The following SOBP variants were observed in gnomAD, a reference collection of about 807,000 sequenced individuals.
The protein encoded by SOBP is sine oculis binding protein homolog, also known as sine oculis-binding protein homolog.
In SOBP, 4 loss-of-function variants were observed where a neutral mutation model predicts 53.6. That is an observed-to-expected ratio of 0.07 (90% CI 0.04 to 0.17). The LOEUF (loss-of-function observed/expected upper bound fraction) is 0.17, where lower values mean the gene tolerates loss of function less well. Among genes scored for constraint, SOBP ranks in the 10% least tolerant of loss-of-function variants. SOBP has a pLI of 1.00. For synonymous variants in SOBP, 584 were observed against 522.6 expected (o/e 1.12, Z -1.60); for missense variants, 1,088 against 1,204.7 (o/e 0.90, Z 1.43).
rs190091201 is a variant in SOBP at position 107,660,403 on chromosome 6, C to G, written c.*2200C>G. On this transcript the variant is annotated 3_prime_UTR_variant, in exon 7 of 7. Transcript: ENST00000317357. ...CTAACCATGCCCATCACTGACAGCA[C>G]ACAGTGCATGGGAAGTGAGTGTTTA... Among the ~76,000 whole-genome samples, 387 of 152,322 alleles carry G rather than the reference C, an allele frequency of 2.5e-3. 2 individuals carry two copies. Among genetic ancestry groups the G allele is most frequent in the African/African-American group, 8.9e-3 (372 of 41,578 alleles).
At chr6:107,508,518 G>A (rs541647967) in intron 3 of SOBP, among the ~76,000 whole-genome samples, 1 of 152,236 alleles carries the variant, frequency 6.6e-6, no homozygotes, top group African/African-American at 2.4e-5. Flanking sequence ...GGCGGAGGCT[G>A]CAGTGAGCTG....
At chr6:107,587,563 T>C (rs186823628) in intron 5 of SOBP, among the ~76,000 whole-genome samples, 3 of 152,274 alleles carry the variant, frequency 2.0e-5, no homozygotes, top group African/African-American at 7.2e-5. Context: ...GACAACATGG[T>C]AATATTTTGT....
chr6:107,548,779 A>G (rs1245087953), intron 4 of SOBP, among the ~76,000 whole-genome samples: 2 of 151,646 alleles, frequency 1.3e-5, no homozygotes, highest in African/African-American at 4.9e-5. Context: ...TCTACAAAAT[A>G]TAAAAAAAAT....
chr6:107,508,349 C>T (rs1284214676), intron 3 of SOBP, among the ~76,000 whole-genome samples: 2 of 152,092 alleles, frequency 1.3e-5, no homozygotes, highest in Non-Finnish European at 2.9e-5. Flanking sequence ...GAGGCCAAGG[C>T]GGGTGGATCA....
chr6:107,533,295 A>AAT (rs1783893002), intron 3 of SOBP, among the ~76,000 whole-genome samples, 164 bp from the exon 4 acceptor site: 4 of 146,308 alleles, frequency 2.7e-5, no homozygotes, highest in Admixed American at 2.0e-4. Context: ...AAAAAAAAAA[A>AAT]AGAGAGAGAG....
At chr6:107,594,904 A>C (rs1785889726) in intron 5 of SOBP, among the ~76,000 whole-genome samples, 1 of 152,234 alleles carries the variant, frequency 6.6e-6, no homozygotes, top group African/African-American at 2.4e-5. Context: ...AGCTTGACCC[A>C]CATCTCTGAC....
chr6:107,594,153 A>ATC (rs1439892070), intron 5 of SOBP, among the ~76,000 whole-genome samples: 1 of 152,196 alleles, frequency 6.6e-6, no homozygotes, highest in African/African-American at 2.4e-5. Flanking sequence ...AAATCACTGA[A>ATC]TCTCTGTGTG....
At chr6:107,539,016 G>C (rs891050832) in intron 4 of SOBP, among the ~76,000 whole-genome samples, 2 of 152,144 alleles carry the variant, frequency 1.3e-5, no homozygotes, top group Admixed American at 6.5e-5. Flanking sequence ...CTGCAGACAG[G>C]GTGGGACATA....
chr6:107,581,759 A>C (rs1785408563), intron 4 of SOBP, among the ~76,000 whole-genome samples: 1 of 152,144 alleles, frequency 6.6e-6, no homozygotes, highest in Admixed American at 6.5e-5. Flanking sequence ...TCGAAAATAA[A>C]CTCTATTATT....
chr6:107,605,240 A>G (rs1036556733), intron 5 of SOBP, among the ~76,000 whole-genome samples: 58 of 152,322 alleles, frequency 3.8e-4, no homozygotes, highest in African/African-American at 1.4e-3. Flanking sequence ...GGAATAGAGC[A>G]AGTCAAAGGA....
chr6:107,639,828 T>G (rs1771229753), intron 6 of SOBP, among the ~76,000 whole-genome samples: 1 of 152,220 alleles, frequency 6.6e-6, no homozygotes. Flanking sequence ...ACATAGACTC[T>G]TTAAGTAAAA....
intron 4 of SOBP, among the ~76,000 whole-genome samples, chr6:107,539,963 G>A (rs1023603640): frequency 6.6e-6 from 1 of 152,204 alleles, no homozygotes; most frequent in Non-Finnish European, 1.5e-5. Flanking sequence ...ACAGAGGAGG[G>A]AGAAGGTTCT....
chr6:107,599,719 G>A (rs1228110508), intron 5 of SOBP, among the ~76,000 whole-genome samples: 1 of 151,776 alleles, frequency 6.6e-6, no homozygotes, highest in Non-Finnish European at 1.5e-5. Flanking sequence ...TTTTGGAAGT[G>A]AACACAACCA....
chr6:107,542,106 C>T (rs1784165226), intron 4 of SOBP, among the ~76,000 whole-genome samples: 1 of 151,892 alleles, frequency 6.6e-6, no homozygotes, highest in African/African-American at 2.4e-5. Flanking sequence ...TATATACAGG[C>T]TTAAACATAT....
In SOBP at chr6:107,490,497, A is replaced by T; in HGVS notation, c.-120A>T. 1 of 731,680 alleles carries T rather than the reference A, an allele frequency of 1.4e-6. No homozygotes were observed. Among genetic ancestry groups the T allele is most frequent in the Non-Finnish European group, 2.4e-6 (1 of 420,176 alleles). 45.3% of individuals were successfully genotyped at this position (731,680 alleles called of 1,614,324 possible). On this transcript the variant is annotated 5_prime_UTR_variant, in exon 1 of 7. Coordinates refer to ENST00000317357, the MANE Select transcript of SOBP (RefSeq NM_018013.4). ...CGCGGCTCGGTCCGGCCCCGCCAGC[A>T]CCGCTACCTCCGCCAGCCTCGCCAC...
In SOBP at chr6:107,574,114, T is replaced by C. The variant is rs148061472; in HGVS notation, c.574-12966T>C. On this transcript the variant is annotated intron_variant, in intron 4 of 6. Transcript: ENST00000317357. Reference sequence around the variant, plus strand: ...TTCTTTGGGGCCGCAATGACACATATAGTGCATCCTACAGTTTATGGAACC... The same window carrying C: ...TTCTTTGGGGCCGCAATGACACATACAGTGCATCCTACAGTTTATGGAACC... 1.6e-4 allele frequency among the ~76,000 whole-genome samples: 25 copies of C among 152,318 alleles called. 1 individual carries two copies. The Middle Eastern group carries it at 0.01, about 62-fold the overall frequency.
chr6:107,621,209 G>A lies in SOBP; in HGVS notation c.670-12305G>A, dbSNP rs185257083. On this transcript the variant is annotated intron_variant, in intron 5 of 6. Transcript: ENST00000317357. ...ATATATGAATACCTATCTGTGTCCC[G>A]GGTTGTCTTGGTTCACACCATTTAA... 1,230 of 607,548 alleles carry A rather than the reference G, an allele frequency of 2.0e-3. 3 individuals carry two copies. The highest frequency in any genetic ancestry group is 2.5e-3 in the South Asian group (34 of 13,552). The allele number at this position is 607,548 out of a possible 1,614,324, so 37.6% of individuals were successfully genotyped here. A position where few individuals can be genotyped will look rare whatever the true frequency, so the allele number is the denominator to read the frequency against.
At chr6:107,649,406 G>A (rs1408025314) in intron 6 of SOBP, among the ~76,000 whole-genome samples, 3 of 151,884 alleles carry the variant, frequency 2.0e-5, no homozygotes, top group Non-Finnish European at 2.9e-5. Context: ...GAGCCCAAGA[G>A]GTTGAGGCTG....
intron 3 of SOBP, among the ~76,000 whole-genome samples, chr6:107,526,910 T>C (rs187349085): frequency 7.9e-5 from 12 of 152,246 alleles, no homozygotes; most frequent in Non-Finnish European, 1.8e-4. Flanking sequence ...TAGAGAGGAG[T>C]GGACTATTTA....
Sources: gnomAD v4.1 joint callset for allele counts (sites outside exome capture counted in the v4.1 genomes callset) on GRCh38, gnomAD v4.1.1 for gene constraint, MANE v1.5 for transcripts, NCBI Gene and HGNC (gene_info 2026-07-23, HGNC 2026-07-21) for gene names.